MYO1A: variants seen among roughly 807,000 people sequenced by gnomAD.
MYO1A encodes myosin IA, also known as unconventional myosin-Ia.
Under a neutral mutation model 138.5 loss-of-function variants are expected in MYO1A, and 127 were observed. That is an observed-to-expected ratio of 0.92 (90% CI 0.79 to 1.06). The LOEUF (loss-of-function observed/expected upper bound fraction) is 1.06. Ranked by LOEUF, MYO1A falls within the 50% of genes least tolerant of loss-of-function variation. The pLI, the probability that MYO1A is intolerant of heterozygous loss-of-function variation, is 0.00. For synonymous variants in MYO1A, 477 were observed against 497.5 expected (o/e 0.96, Z 0.55); for missense variants, 1,211 against 1,288.8 (o/e 0.94, Z 0.92).
rs781114681 is a variant in MYO1A, at chr12:57,043,303, AG to A, written c.947del (p.Ala316ValfsTer18). The A allele has an allele frequency of 1.1e-5, 17 of 1,614,024 alleles. No individual in the cohort carries two copies. Among genetic ancestry groups the A allele is most frequent in the Middle Eastern group, 1.6e-4 (1 of 6,084 alleles). On this transcript the variant is annotated frameshift_variant, in exon 11 of 28. Coordinates refer to ENST00000300119, the MANE Select transcript of MYO1A (RefSeq NM_005379.4). LOFTEE classifies it high-confidence loss of function. The stretch of plus-strand genomic sequence containing the variant: ...CTGTTTCCATGGTCCTCGAGCACAA[AG>A]CTCTCTCTACTTCTTCTGAATTCAA... ...VGLNSEEVER[A>X]LCSRTMETAK...
At chr12:57,048,574 G>A (rs1404150169) in intron 1 of MYO1A, among the ~76,000 whole-genome samples, 4 of 152,168 alleles carry the variant, frequency 2.6e-5, no homozygotes, top group African/African-American at 9.7e-5. Flanking sequence ...CAGTTGGTGG[G>A]GGTGGGGCAG....
chr12:57,039,513 T>C (rs572425234), intron 14 of MYO1A: 3 of 539,048 alleles, frequency 5.6e-6, no homozygotes, highest in African/African-American at 3.8e-5. Context: ...GGTGAGACAA[T>C]GCAGAGATCC....
Position 57,038,429 on chromosome 12 carries a change from C to T in MYO1A, c.1743G>A (p.Lys581=). 2 of 1,614,168 alleles carry T rather than the reference C, an allele frequency of 1.2e-6. No individual in the cohort carries two copies. The highest frequency in any genetic ancestry group is 1.7e-6 in the Non-Finnish European group (2 of 1,180,040). ...CATGTCACCTGATGTAGTTGGGGCT[C>T]TTGGAATACAGATTCTTCATGAGGA... is the stretch of plus-strand genomic sequence containing the variant. ...VAILMKNLYS[K]SPNYIRCIKP... The change falls in exon 17 of 28, where the codon AAG becomes AAA. Residue 581 remains lysine (K), a synonymous_variant. Coordinates refer to ENST00000300119, the MANE Select transcript of MYO1A (RefSeq NM_005379.4).
intron 10 of MYO1A, 97 bp from the exon 11 acceptor site, chr12:57,043,455 T>C (rs1490955694): frequency 2.0e-5 from 23 of 1,163,090 alleles, no homozygotes; most frequent in Non-Finnish European, 2.8e-5. Flanking sequence ...GACACTGGTG[T>C]CCTGGGGTCT....
At chr12:57,040,469 T>C (rs1940901391) in intron 14 of MYO1A, among the ~76,000 whole-genome samples, 1 of 152,216 alleles carries the variant, frequency 6.6e-6, no homozygotes, top group Non-Finnish European at 1.5e-5. Flanking sequence ...ACTTTCCTTA[T>C]ATACTTTCTA....
chr12:57,036,819 T>C lies in MYO1A; in HGVS notation c.2227A>G (p.Ile743Val). ...TGGATCAATAACACGGATGCCTTTA[T>C]CTTCCCATAGCATTTCTTTTGCTGT... ...GNMQKKCYGK[I>V]KASVLLIQAF... The change falls in exon 21 of 28, where the codon ATA (isoleucine) becomes GTA (valine). Residue 743 changes from isoleucine to valine, a missense_variant. Transcript: ENST00000300119. 2 of 1,614,226 alleles carry C rather than the reference T, an allele frequency of 1.2e-6. No individual in the cohort carries two copies. The highest frequency in any genetic ancestry group is 1.7e-5 in the Admixed American group (1 of 60,026).
rs1396623605 is a variant in MYO1A at position 57,039,246 on chromosome 12, A to C, written c.1298T>G (p.Phe433Cys). 19 of 1,614,066 alleles carry C rather than the reference A, an allele frequency of 1.2e-5. No homozygotes were observed. The highest frequency in any genetic ancestry group is 2.7e-5 in the African/African-American group (2 of 74,936). The change falls in exon 15 of 28, where the codon TTT becomes TGT. Residue 433 changes from phenylalanine to cysteine, a missense_variant. Coordinates refer to ENST00000300119, the MANE Select transcript of MYO1A (RefSeq NM_005379.4). The stretch of plus-strand genomic sequence containing the variant: ...GAGCTTACAAATGATGCCATTATCA[A>C]AGTAGTCCACCTTTGTCCACGGTAT... ...EGIPWTKVDYFDNGIICKLIE... is the reference protein window; with the variant it reads ...EGIPWTKVDYCDNGIICKLIE...
chr12:57,050,871 A>G (rs1421703709), upstream of MYO1A: 4 of 152,216 alleles, frequency 2.6e-5, no homozygotes, highest in African/African-American at 9.6e-5. Flanking sequence ...ATGTGCCCAC[A>G]GTTCCATGCT....
chr12:57,047,350 AC>A lies in MYO1A; in HGVS notation c.382del (p.Val128Ter). Reference sequence around the variant, plus strand: ...TAGCAGCTGCTCCTTCACAGAGTTCACCTGCTCTCCTTTCCCACAGACGGCA... The same window carrying A: ...TAGCAGCTGCTCCTTCACAGAGTTCACTGCTCTCCTTTCCCACAGACGGCA... ...VAAVCGKGEQ[V>X]NSVKEQLLQS... is the part of the protein sequence containing the mutation. On this transcript the variant is annotated frameshift_variant, in exon 5 of 28. Coordinates refer to ENST00000300119, the MANE Select transcript of MYO1A (RefSeq NM_005379.4). LOFTEE classifies it high-confidence loss of function. 3 of 1,614,134 alleles carry A rather than the reference AC, an allele frequency of 1.9e-6. No homozygotes were observed. The highest frequency in any genetic ancestry group is 2.5e-6 in the Non-Finnish European group (3 of 1,180,016).
At chr12:57,036,460 C>T (rs558052563) in intron 21 of MYO1A, 79 bp from the exon 22 acceptor site, 1 of 1,380,876 alleles carries the variant, frequency 7.2e-7, no homozygotes, top group South Asian at 1.2e-5. Flanking sequence ...TTCAACCACG[C>T]AAAGACCTGA....
upstream of MYO1A, among the ~76,000 whole-genome samples, chr12:57,050,559 C>T (rs1357021903): frequency 6.6e-6 from 1 of 152,168 alleles, no homozygotes; most frequent in Non-Finnish European, 1.5e-5. Flanking sequence ...GTACCTCCCT[C>T]ATACCTACTC....
At chr12:57,044,472 A>G (rs1358117047) in intron 8 of MYO1A, among the ~76,000 whole-genome samples, 11 of 152,122 alleles carry the variant, frequency 7.2e-5, no homozygotes, top group Non-Finnish European at 1.5e-5. Context: ...CACTGCAAGC[A>G]CCACCTCCCA....
Position 57,028,747 on chromosome 12 carries a change from C to A in MYO1A, c.*8G>T, listed in dbSNP as rs775638170. 1 of 1,613,792 alleles carries A rather than the reference C, an allele frequency of 6.2e-7. No homozygotes were observed. Among genetic ancestry groups the A allele is most frequent in the Non-Finnish European group, 8.5e-7 (1 of 1,179,818 alleles). ...AAGCAACTGCCATCTCTGCATGGTG[C>A]CCCCTCCTCACTGCACAGTCACCTC... is the stretch of plus-strand genomic sequence containing the variant. On this transcript the variant is annotated 3_prime_UTR_variant, in exon 28 of 28. Coordinates refer to ENST00000300119, the MANE Select transcript of MYO1A (RefSeq NM_005379.4).
At chr12:57,040,427 A>G (rs1282171194) in intron 14 of MYO1A, among the ~76,000 whole-genome samples, 1 of 152,196 alleles carries the variant, frequency 6.6e-6, no homozygotes, top group Non-Finnish European at 1.5e-5. Flanking sequence ...GGGGAGGAGA[A>G]CTAGGAGGCT....
At chr12:57,039,309 G>T in intron 14 of MYO1A, 35 bp from the exon 15 acceptor site, 1 of 1,557,598 alleles carries the variant, frequency 6.4e-7, no homozygotes, top group South Asian at 1.1e-5. Context: ...CAGGGAACAC[G>T]TCCAAGACAA....
intron 22 of MYO1A, among the ~76,000 whole-genome samples, chr12:57,034,082 G>A (rs2030417428): frequency 6.6e-6 from 1 of 152,224 alleles, no homozygotes; most frequent in African/African-American, 2.4e-5. Context: ...GAACTAGAAA[G>A]TTCTGCCCTT....
chr12:57,032,414 AATAAAT>A (rs1293305980), intron 22 of MYO1A, among the ~76,000 whole-genome samples: 1 of 152,214 alleles, frequency 6.6e-6, no homozygotes, highest in Non-Finnish European at 1.5e-5. Flanking sequence ...TACACAAGCA[AATAAAT>A]ATATAGTGTG....
intron 27 of MYO1A, 48 bp from the exon 28 acceptor site, chr12:57,028,929 G>A (rs1477171374): frequency 5.6e-6 from 9 of 1,605,114 alleles, no homozygotes; most frequent in South Asian, 3.3e-5. Context: ...CCCTCACCCC[G>A]ACTCCCGCAT....
intron 1 of MYO1A, 131 bp from the exon 2 acceptor site, chr12:57,048,474 A>C: frequency 2.9e-6 from 2 of 680,096 alleles, no homozygotes. Context: ...AGAGCCCCCA[A>C]CCTAGGAGAG....
Sources: allele counts gnomAD v4.1 joint callset (sites outside exome capture counted in the v4.1 genomes callset), GRCh38; gene constraint gnomAD v4.1.1; transcripts MANE v1.5; gene names NCBI Gene and HGNC (gene_info 2026-07-23, HGNC 2026-07-21).